Variants in AEBP2 observed in about 807,000 individuals in gnomAD.
The protein encoded by AEBP2 is zinc finger protein AEBP2.
A neutral mutation model predicts 50.8 loss-of-function variants in AEBP2; 10 were observed. The ratio of observed to expected loss-of-function variants is 0.20; its 90% confidence interval spans 0.12 to 0.33. The LOEUF (loss-of-function observed/expected upper bound fraction) is 0.33, where lower values mean the gene tolerates loss of function less well. Among genes scored for constraint, AEBP2 ranks in the 10% least tolerant of loss-of-function variants. The pLI is 1.00. For synonymous variants in AEBP2, 296 were observed against 261.3 expected (o/e 1.13, Z -1.28); for missense variants, 570 against 688.0 (o/e 0.83, Z 1.92).
chr12:19,468,755 A>T (rs1408283269), intron 2 of AEBP2, among the ~76,000 whole-genome samples: 1 of 152,158 alleles, frequency 6.6e-6, no homozygotes, highest in Non-Finnish European at 1.5e-5. Context: ...TACCATTCTT[A>T]TTCACTTTGG....
intron 1 of AEBP2, among the ~76,000 whole-genome samples, chr12:19,454,448 G>A (rs912148475): frequency 6.6e-6 from 1 of 152,136 alleles, no homozygotes; most frequent in African/African-American, 2.4e-5. Flanking sequence ...TAAGGTATAA[G>A]GTATACGATT....
At chr12:19,428,378 A>G (rs769418169) in intron 1 of AEBP2, among the ~76,000 whole-genome samples, 23 of 152,254 alleles carry the variant, frequency 1.5e-4, no homozygotes, top group Non-Finnish European at 1.6e-4. Flanking sequence ...TCCTTCTCCA[A>G]TGTGGTGATG....
intron 3 of AEBP2, among the ~76,000 whole-genome samples, chr12:19,485,477 C>G (rs1042213663): frequency 2.0e-5 from 3 of 151,938 alleles, no homozygotes; most frequent in Non-Finnish European, 4.4e-5. Flanking sequence ...GAGGCTGACA[C>G]AAGCAGATTG....
Position 19,443,281 on chromosome 12 carries a change from G to T in AEBP2, c.671+2911G>T, listed in dbSNP as rs535797878. On this transcript the variant is annotated intron_variant, in intron 1 of 7. Transcript: ENST00000266508. Reference sequence around the variant, plus strand: ...CTGGCTAATTTTTGTTTTTAGTAGAGATGCGATTTCACCATGTTGTCCAGG... The same window carrying T: ...CTGGCTAATTTTTGTTTTTAGTAGATATGCGATTTCACCATGTTGTCCAGG... Among the ~76,000 whole-genome samples the T allele has an allele frequency of 5.3e-5, 8 of 151,798 alleles. No individual in the cohort carries two copies. The South Asian group carries it at 1.7e-3, about 32-fold the overall frequency.
At chr12:19,455,005 T>C (rs78474406) in intron 1 of AEBP2, among the ~76,000 whole-genome samples, 1 of 148,852 alleles carries the variant, frequency 6.7e-6, no homozygotes, top group Non-Finnish European at 1.5e-5. Flanking sequence ...GTTCTCAGAT[T>C]TTTTTTTTTT....
chr12:19,465,573 G>A (rs1329810957), intron 2 of AEBP2, among the ~76,000 whole-genome samples: 2 of 152,126 alleles, frequency 1.3e-5, no homozygotes, highest in Non-Finnish European at 1.5e-5. Flanking sequence ...TTGTTTGTTT[G>A]TAGAGATGAG....
intron 1 of AEBP2, among the ~76,000 whole-genome samples, chr12:19,412,675 C>T (rs758410779): frequency 6.6e-6 from 1 of 152,062 alleles, no homozygotes; most frequent in Non-Finnish European, 1.5e-5. Context: ...CTCAAACAAT[C>T]CTCCTGCCTC....
rs185799423 is a variant in AEBP2 at position 19,463,351 on chromosome 12, A to G, written c.879+634A>G. Among the ~76,000 whole-genome samples, 318 of 152,344 alleles carry G rather than the reference A, an allele frequency of 2.1e-3. 4 individuals are homozygous for G. The highest frequency in any genetic ancestry group is 0.017 in the Admixed American group (259 of 15,302). ...TGGGTAAGCCAAAAGTAATGTGCCAAAATATTAATTTATACATTGTTTCAA... is the reference window on the plus strand; with the variant it reads ...TGGGTAAGCCAAAAGTAATGTGCCAGAATATTAATTTATACATTGTTTCAA... On this transcript the variant is annotated intron_variant, in intron 2 of 7. Coordinates refer to ENST00000266508, the MANE Select transcript of AEBP2 (RefSeq NM_153207.5).
At chr12:19,465,404 TAAATA>T (rs201153105) in intron 2 of AEBP2, among the ~76,000 whole-genome samples, 3,219 of 151,732 alleles carry the variant, frequency 0.021, 38 homozygotes, top group East Asian at 0.042. Context: ...AAAAAAAAAA[TAAATA>T]AAATAAAAAG....
rs986499826 is a variant in AEBP2, at chr12:19,440,010, A to T, written c.311A>T (p.Glu104Val). The T allele has an allele frequency of 5.9e-6, 9 of 1,524,592 alleles. No individual in the cohort carries two copies. The African/African-American group carries it at 1.3e-4, about 22-fold the overall frequency. 94.4% of individuals were successfully genotyped at this position (1,524,592 alleles called of 1,614,324 possible). The change falls in exon 1 of 8, where the codon GAG (glutamate) becomes GTG (valine). Residue 104 changes from glutamate to valine, a missense_variant. By Grantham distance (121) the Glu-to-Val change is moderately radical. Transcript: ENST00000266508. ...GEDEDEEEDD[E>V]EEEDESSSSG... The stretch of plus-strand genomic sequence containing the variant: ...GACGAAGACGAGGAGGAGGACGACG[A>T]GGAGGAGGAAGATGAGAGCAGCAGC...
rs544290920 is a variant in AEBP2 at position 19,434,438 on chromosome 12, G to A, written c.-16-28072G>A. Among the ~76,000 whole-genome samples, 17 of 152,334 alleles carry A rather than the reference G, an allele frequency of 1.1e-4. No individual in the cohort carries two copies. In the South Asian group the frequency reaches 3.5e-3, roughly 32 times the overall value. ...TCCACTCGCCTTGGCCTCCCAAAGT[G>A]CTGGGATTACAGGCGTAAGCCACTG... On this transcript the variant is annotated intron_variant, in intron 1 of 3. Transcript: ENST00000538425.
Position 19,439,585 on chromosome 12 carries a change from G to C in AEBP2, c.-115G>C. On this transcript the variant is annotated 5_prime_UTR_variant, in exon 1 of 8. Transcript: ENST00000266508. Reference sequence around the variant, plus strand: ...GACGCAGCTCGCGGGCCCTCCTCCTGCTCTGCAGCGGCGTCGGCGGAGTTT... The same window carrying C: ...GACGCAGCTCGCGGGCCCTCCTCCTCCTCTGCAGCGGCGTCGGCGGAGTTT... 1.5e-6 allele frequency: 2 copies of C among 1,370,884 alleles called. No homozygotes were observed. Among genetic ancestry groups the C allele is most frequent in the Non-Finnish European group, 1.9e-6 (2 of 1,033,332 alleles). The allele number at this position is 1,370,884 out of a possible 1,614,324, so 84.9% of individuals were successfully genotyped here.
chr12:19,439,821 AAGAG>A lies in AEBP2; in HGVS notation c.123_126del (p.Glu42ArgfsTer17). 1 of 1,505,786 alleles carries A rather than the reference AAGAG, an allele frequency of 6.6e-7. No homozygotes were observed. The highest frequency in any genetic ancestry group is 1.2e-5 in the South Asian group (1 of 82,146). The allele number at this position is 1,505,786 out of a possible 1,614,324, so 93.3% of individuals were successfully genotyped here. A position where few individuals can be genotyped will look rare whatever the true frequency, so the allele number is the denominator to read the frequency against. ...GCTGAGCCCCCCGAGGAGGAGGAGG[AAGAG>A]GAGGAGGAGGAAGAGGAGGCGGAGG... On this transcript the variant is annotated frameshift_variant, in exon 1 of 8. Transcript: ENST00000266508. LOFTEE classifies it high-confidence loss of function.
chr12:19,474,909 C>T (rs1334384007), intron 3 of AEBP2, among the ~76,000 whole-genome samples: 1 of 152,136 alleles, frequency 6.6e-6, no homozygotes, highest in Non-Finnish European at 1.5e-5. Flanking sequence ...TCTCCTGCCT[C>T]AGCCTCCCGA....
At chr12:19,456,415 C>T in intron 1 of AEBP2, 2 of 1,394,002 alleles carry the variant, frequency 1.4e-6, no homozygotes, top group Admixed American at 1.8e-5. Context: ...ACGGGCTTGC[C>T]AGGAACCATA....
intron 1 of AEBP2, 138 bp downstream of exon 1, chr12:19,440,508 A>G: frequency 1.4e-6 from 2 of 1,394,310 alleles, no homozygotes; most frequent in South Asian, 1.6e-5. Flanking sequence ...CTCAACTCGG[A>G]AATCTCTCGC....
intron 1 of AEBP2, among the ~76,000 whole-genome samples, chr12:19,412,380 C>T (rs570360066): frequency 6.6e-4 from 101 of 152,012 alleles, no homozygotes; most frequent in African/African-American, 2.2e-3. Context: ...TGGGTTCAAG[C>T]GATTCTCCTG....
chr12:19,433,786 G>A (rs2095752683), intron 1 of AEBP2, among the ~76,000 whole-genome samples: 1 of 151,446 alleles, frequency 6.6e-6, no homozygotes, highest in African/African-American at 2.4e-5. Flanking sequence ...CTGGGTGAAA[G>A]AGTGAAACTC....
intron 1 of AEBP2, among the ~76,000 whole-genome samples, chr12:19,416,345 A>T (rs975307780): frequency 1.3e-5 from 2 of 152,138 alleles, no homozygotes; most frequent in Admixed American, 6.6e-5. Flanking sequence ...TCCATTTCTA[A>T]GTTTTGAGCT....
Sources: gnomAD v4.1 joint callset for allele counts (sites outside exome capture counted in the v4.1 genomes callset) on GRCh38, gnomAD v4.1.1 for gene constraint, MANE v1.5 for transcripts, NCBI Gene and HGNC (gene_info 2026-07-23, HGNC 2026-07-21) for gene names.